AHDC1: variants seen among roughly 807,000 people sequenced by gnomAD.
The protein encoded by AHDC1 is transcription factor Gibbin.
In AHDC1, 7 loss-of-function variants were observed where a neutral mutation model predicts 87.9. The observed-to-expected ratio is 0.08, with a 90% CI of 0.05 to 0.15. AHDC1 has a LOEUF of 0.15. AHDC1 is among the 10% of genes least tolerant of loss of function. AHDC1 has a pLI of 1.00. For missense variants in AHDC1, 1,841 were observed against 2,253.2 expected (o/e 0.82, Z 3.70); for synonymous variants, 1,051 against 1,006.8 (o/e 1.04, Z -0.83).
Position 27,558,299 on chromosome 1 carries a change from C to T in AHDC1, c.-225+6G>A, listed in dbSNP as rs2019918256. On this transcript the variant is annotated splice_donor_region_variant and intron_variant, in intron 5 of 8. Transcript: ENST00000673934. The surrounding 1 kb of genome is among the most constrained non-coding windows in gnomAD (Gnocchi z 5.6). ...CTGGGCTACCCAGGCCCTCCCAGCA[C>T]CTCACCTTGGCCTCCCAGTTCTCTG... 1 of 153,388 alleles carries T rather than the reference C, an allele frequency of 6.5e-6. No individual in the cohort carries two copies. Among genetic ancestry groups the T allele is most frequent in the East Asian group, 1.9e-4 (1 of 5,234 alleles). The allele number at this position is 153,388 out of a possible 1,614,324, so 9.5% of individuals were successfully genotyped here.
intron 3 of AHDC1, among the ~76,000 whole-genome samples, chr1:27,601,986 C>T (rs11801264): frequency 6.6e-6 from 1 of 152,198 alleles, no homozygotes; most frequent in African/African-American, 2.4e-5. Context: ...ACTGGTCCGG[C>T]GGGAAACGCC....
rs1250653915 is a variant in AHDC1 at position 27,549,362 on chromosome 1, G to A, written c.2754C>T (p.Arg918=). The A allele has an allele frequency of 6.2e-7, 1 of 1,613,006 alleles. No homozygotes were observed. Among genetic ancestry groups the A allele is most frequent in the Admixed American group, 1.7e-5 (1 of 60,012 alleles). ...DPSFQPVLSA[R]QTFPPGRAAS... is the part of the protein sequence containing the mutation. Reference sequence around the variant, plus strand: ...CTGCTCGTCCTGGTGGGAAGGTCTGGCGCGCGGACAGGACAGGCTGAAAGG... The same window carrying A: ...CTGCTCGTCCTGGTGGGAAGGTCTGACGCGCGGACAGGACAGGCTGAAAGG... Residue 918 remains arginine, a synonymous_variant, in exon 8 of 9, where the codon CGC becomes CGT. Transcript: ENST00000673934.
In AHDC1 at chr1:27,561,470, A is replaced by T. The variant is rs1273688294; in HGVS notation, c.-628-2587T>A. ...CAACAGTGCCCACACAGGCTGGGGG[A>T]GCTGCTGGGAGGCAGAGGACAGTGT... On this transcript the variant is annotated intron_variant, in intron 3 of 8. Coordinates refer to ENST00000673934, the MANE Select transcript of AHDC1 (RefSeq NM_001371928.1). The surrounding 1 kb of genome is among the most constrained non-coding windows in gnomAD (Gnocchi z 4.2). Among the ~76,000 whole-genome samples, 1 of 152,106 alleles carries T rather than the reference A, an allele frequency of 6.6e-6. No individual in the cohort carries two copies. Among genetic ancestry groups the T allele is most frequent in the Non-Finnish European group, 1.5e-5 (1 of 68,002 alleles).
intron 5 of AHDC1, among the ~76,000 whole-genome samples, chr1:27,556,346 C>T (rs2019816380): frequency 6.6e-6 from 1 of 151,974 alleles, no homozygotes; most frequent in Non-Finnish European, 1.5e-5. Context: ...ATTTCCCTCC[C>T]AGCCTGGTTC....
chr1:27,551,323 C>G lies in AHDC1; in HGVS notation c.793G>C (p.Glu265Gln), dbSNP rs767656012. 31 of 1,612,554 alleles carry G rather than the reference C, an allele frequency of 1.9e-5. No homozygotes were observed. The highest frequency in any genetic ancestry group is 2.6e-5 in the Non-Finnish European group (31 of 1,179,678). Reference sequence around the variant, plus strand: ...GGCTCCGGCTCGGGCGATGGTGGCTCGAGGGCCTGGGCCTCTAGCAGCTGG... The same window carrying G: ...GGCTCCGGCTCGGGCGATGGTGGCTGGAGGGCCTGGGCCTCTAGCAGCTGG... Reference protein sequence around the residue: ...EAQLLEAQALEPPSPEPEPQL... With the variant: ...EAQLLEAQALQPPSPEPEPQL... Residue 265 changes from glutamate (E) to glutamine (Q), a missense_variant, in exon 8 of 9, where the codon GAG becomes CAG. Glu to Gln is a conservative substitution (Grantham distance 29). Coordinates refer to ENST00000673934, the MANE Select transcript of AHDC1 (RefSeq NM_001371928.1).
At chr1:27,569,418 A>G (rs535625859) in intron 3 of AHDC1, among the ~76,000 whole-genome samples, 10 of 152,224 alleles carry the variant, frequency 6.6e-5, no homozygotes, top group African/African-American at 2.4e-4. Flanking sequence ...TTTGAACCCC[A>G]TGTTCTTCCA....
chr1:27,601,768 A>G (rs1248975421), intron 3 of AHDC1, among the ~76,000 whole-genome samples: 1 of 152,040 alleles, frequency 6.6e-6, no homozygotes, highest in Non-Finnish European at 1.5e-5. Context: ...CCCAGCTCAC[A>G]CAGCCACACA....
In AHDC1 at chr1:27,550,425, G is replaced by A; in HGVS notation, c.1691C>T (p.Pro564Leu). The change falls in exon 8 of 9, where the codon CCA becomes CTA. Residue 564 changes from proline to leucine, a missense_variant. Physicochemically the swap from Pro to Leu is moderately conservative, Grantham distance 98. This residue lies in a region of AHDC1 where 84 missense variants were observed against 111.7 expected (regional missense o/e 0.75). Transcript: ENST00000673934. ...LLLGPGKPKEPAVVAAEAATV... is the reference protein window; with the variant it reads ...LLLGPGKPKELAVVAAEAATV... ...GGCTGCCTCGGCCGCCACCACAGCTGGCTCCTTGGGCTTGCCGGGACCCAG... is the reference window on the plus strand; with the variant it reads ...GGCTGCCTCGGCCGCCACCACAGCTAGCTCCTTGGGCTTGCCGGGACCCAG... 1.2e-6 allele frequency: 2 copies of A among 1,610,402 alleles called. No homozygotes were observed. Among genetic ancestry groups the A allele is most frequent in the Admixed American group, 1.7e-5 (1 of 59,842 alleles).
intron 3 of AHDC1, among the ~76,000 whole-genome samples, chr1:27,573,677 C>T (rs1451932658): frequency 6.6e-6 from 1 of 152,162 alleles, no homozygotes; most frequent in Non-Finnish European, 1.5e-5. Context: ...AAACCAAAGG[C>T]AAGGGAAGGT....
chr1:27,589,490 G>A (rs1466999805), intron 3 of AHDC1, among the ~76,000 whole-genome samples: 1 of 152,228 alleles, frequency 6.6e-6, no homozygotes, highest in Non-Finnish European at 1.5e-5. Context: ...CAGAGTGCCA[G>A]CATCCTGCTG....
Position 27,565,183 on chromosome 1 carries a change from C to T in AHDC1, c.-628-6300G>A, listed in dbSNP as rs1205075732. 1.3e-5 allele frequency among the ~76,000 whole-genome samples: 2 copies of T among 152,158 alleles called. No individual in the cohort carries two copies. The highest frequency in any genetic ancestry group is 2.9e-5 in the Non-Finnish European group (2 of 68,008). ...TCGATGCCAGCTTTGTTCCCCCCAC[C>T]CACCCGCCGAGGGGGCCCAGCATGC... On this transcript the variant is annotated intron_variant, in intron 3 of 8. Coordinates refer to ENST00000673934, the MANE Select transcript of AHDC1 (RefSeq NM_001371928.1). This position sits in a 1 kb window ranked among gnomAD's most constrained non-coding sequence, Gnocchi z 4.6.
Position 27,561,944 on chromosome 1 carries a change from G to C in AHDC1, c.-628-3061C>G, listed in dbSNP as rs922321647. Among the ~76,000 whole-genome samples the C allele has an allele frequency of 1.1e-4, 17 of 152,064 alleles. No individual in the cohort carries two copies. Among genetic ancestry groups the C allele is most frequent in the Admixed American group, 7.2e-4 (11 of 15,260 alleles). On this transcript the variant is annotated intron_variant, in intron 3 of 8. Transcript: ENST00000673934. The surrounding 1 kb of genome is among the most constrained non-coding windows in gnomAD (Gnocchi z 4.2). ...AGACCTTGTCAGAGGCTGAGGGGAGGGGGTAGCTCAGGCCCAGAGTGAGTC... is the reference window on the plus strand; with the variant it reads ...AGACCTTGTCAGAGGCTGAGGGGAGCGGGTAGCTCAGGCCCAGAGTGAGTC...
At chr1:27,578,843 C>G (rs938947360) in intron 3 of AHDC1, among the ~76,000 whole-genome samples, 1 of 151,690 alleles carries the variant, frequency 6.6e-6, no homozygotes, top group Non-Finnish European at 1.5e-5. Context: ...ATTATAGGTG[C>G]CTGCCACCAT....
Position 27,549,092 on chromosome 1 carries a change from G to T in AHDC1, c.3024C>A (p.Leu1008=). The T allele has an allele frequency of 6.4e-7, 1 of 1,555,566 alleles. No homozygotes were observed. Residue 1008 remains leucine (L), a synonymous_variant, in exon 8 of 9, where the codon CTC becomes CTA. Transcript: ENST00000673934. ...CSFAYGSGNS[L]PASPSSAHSA... is the part of the protein sequence containing the mutation. ...TGTGGGCGCTGCTGGGTGAGGCAGG[G>T]AGGCTGTTGCCACTGCCATAGGCGA... is the stretch of plus-strand genomic sequence containing the variant.
intron 3 of AHDC1, among the ~76,000 whole-genome samples, chr1:27,575,020 C>T (rs2088672096): frequency 1.3e-5 from 2 of 152,220 alleles, no homozygotes; most frequent in South Asian, 4.1e-4. Context: ...ACATCGGCTC[C>T]GCAGTTGGGA....
rs1297478755 is a variant in AHDC1 at position 27,598,087 on chromosome 1, C to T, written c.-629+5310G>A. On this transcript the variant is annotated intron_variant, in intron 3 of 8. Coordinates refer to ENST00000673934, the MANE Select transcript of AHDC1 (RefSeq NM_001371928.1). The surrounding 1 kb of genome is among the most constrained non-coding windows in gnomAD (Gnocchi z 4.2). ...GTGCCCACTCGCTCCCCAAGGCACC[C>T]TCCCCCAGGTCAGCAAGGCCTCTCC... 4.6e-5 allele frequency among the ~76,000 whole-genome samples: 7 copies of T among 152,198 alleles called. No homozygotes were observed. The highest frequency in any genetic ancestry group is 3.9e-4 in the Admixed American group (6 of 15,286).
intron 8 of AHDC1, among the ~76,000 whole-genome samples, chr1:27,543,310 G>T (rs2019014111): frequency 6.6e-6 from 1 of 152,208 alleles, no homozygotes; most frequent in Non-Finnish European, 1.5e-5. Context: ...GGCCCAACGT[G>T]GAGCCAGTCT....
At chr1:27,582,570 T>C (rs1432634109) in intron 3 of AHDC1, among the ~76,000 whole-genome samples, 1 of 152,246 alleles carries the variant, frequency 6.6e-6, no homozygotes, top group Non-Finnish European at 1.5e-5. Flanking sequence ...ATTAACTGTC[T>C]GTTTTACCCT....
intron 3 of AHDC1, among the ~76,000 whole-genome samples, chr1:27,597,955 TGTCCCA>T: frequency 6.6e-6 from 1 of 152,288 alleles, no homozygotes; most frequent in Non-Finnish European, 1.5e-5. Flanking sequence ...CGTCTCTCCC[TGTCCCA>T]GTCCATCTGT....
Sources: gnomAD v4.1 joint callset for allele counts (sites outside exome capture counted in the v4.1 genomes callset) on GRCh38, gnomAD v4.1.1 for gene constraint, gnomAD v4.1.1 regional missense constraint, Gnocchi (gnomAD v3.1) non-coding constraint, MANE v1.5 for transcripts, NCBI Gene and HGNC (gene_info 2026-07-23, HGNC 2026-07-21) for gene names.